Variants in NRXN1 observed in about 807,000 individuals in gnomAD.
NRXN1 encodes neurexin-1.
Under a neutral mutation model 150.9 loss-of-function variants are expected in NRXN1, and 39 were observed. That is an observed-to-expected ratio of 0.26 (90% CI 0.20 to 0.34). NRXN1 has a LOEUF of 0.34. Among genes scored for constraint, NRXN1 ranks in the 10% least tolerant of loss-of-function variants. The pLI, the probability that NRXN1 is intolerant of heterozygous loss-of-function variation, is 1.00. For missense variants in NRXN1, 1,815 were observed against 1,949.9 expected, an observed-to-expected ratio of 0.93 and a Z score of 1.30; for synonymous variants, 924 against 757.0, an observed-to-expected ratio of 1.22 and a Z score of -3.62.
In NRXN1 at chr2:50,127,315, T is replaced by C. The variant is rs557557400; in HGVS notation, c.3547-35821A>G. Among the ~76,000 whole-genome samples, 7 of 152,308 alleles carry C rather than the reference T, an allele frequency of 4.6e-5. No homozygotes were observed. In the East Asian group the frequency reaches 1.2e-3, roughly 25 times the overall value. ...CACCAAAACACTGCGCTATTTTTTA[T>C]AAATATCAGCCAAACTCAAAGTATT... On this transcript the variant is annotated intron_variant, in intron 18 of 22. Coordinates refer to ENST00000401669, the MANE Select transcript of NRXN1 (RefSeq NM_001330078.2).
chr2:50,325,376 C>A (rs937111087), intron 17 of NRXN1, among the ~76,000 whole-genome samples: 2 of 152,176 alleles, frequency 1.3e-5, no homozygotes, highest in African/African-American at 4.8e-5. Context: ...TTGTCATGCC[C>A]CCCACCAGGT....
intron 3 of NRXN1, chr2:50,923,672 G>A (rs1378277541): frequency 1.3e-5 from 2 of 154,774 alleles, no homozygotes; most frequent in African/African-American, 4.8e-5. Context: ...CCATGTATAT[G>A]TCTACAATAC....
chr2:50,703,162 C>A (rs932590035), intron 5 of NRXN1, among the ~76,000 whole-genome samples: 1 of 152,024 alleles, frequency 6.6e-6, no homozygotes, highest in Non-Finnish European at 1.5e-5. Flanking sequence ...GAAGCTAGAT[C>A]TTCCTAAGGA....
At chr2:50,469,706 T>A (rs1220460919) in intron 16 of NRXN1, among the ~76,000 whole-genome samples, 1 of 151,252 alleles carries the variant, frequency 6.6e-6, no homozygotes, top group East Asian at 1.9e-4. Context: ...TTGTTCACCT[T>A]GATGTTGGAA....
intron 2 of NRXN1, among the ~76,000 whole-genome samples, chr2:50,975,642 TCTAA>T (rs550034040): frequency 1.7e-4 from 26 of 152,268 alleles, no homozygotes; most frequent in African/African-American, 5.5e-4. Flanking sequence ...ATAAGTCCTA[TCTAA>T]CTATGTGGAC....
intron 8 of NRXN1, among the ~76,000 whole-genome samples, chr2:50,578,087 C>G (rs1394220430): frequency 6.6e-6 from 1 of 152,146 alleles, no homozygotes; most frequent in Non-Finnish European, 1.5e-5. Flanking sequence ...TGGTACTGCT[C>G]ATTCCACAAC....
intron 8 of NRXN1, among the ~76,000 whole-genome samples, chr2:50,561,453 A>G (rs773535217): frequency 6.6e-6 from 1 of 152,208 alleles, no homozygotes; most frequent in Non-Finnish European, 1.5e-5. Context: ...TTTTCAGATG[A>G]GGAAACTGAG....
rs1447303285 is a variant in NRXN1 at position 50,071,775 on chromosome 2, G to T, written c.3719-16731C>A. On this transcript the variant is annotated intron_variant, in intron 19 of 22. Coordinates refer to ENST00000401669, the MANE Select transcript of NRXN1 (RefSeq NM_001330078.2). ...TTTATTCACAGATCTTTCATATTAA[G>T]ATGTGATAGTATTTTGCTGCCAGTT... 3.9e-5 allele frequency among the ~76,000 whole-genome samples: 6 copies of T among 152,316 alleles called. No individual in the cohort carries two copies. In the South Asian group the frequency reaches 8.3e-4, roughly 21 times the overall value.
intron 8 of NRXN1, among the ~76,000 whole-genome samples, chr2:50,583,073 C>G (rs1417725542): frequency 2.7e-5 from 4 of 150,850 alleles, no homozygotes; most frequent in African/African-American, 9.8e-5. Flanking sequence ...CTTTTAGAGA[C>G]AAGTTCTGCC....
intron 5 of NRXN1, among the ~76,000 whole-genome samples, chr2:50,750,037 G>A (rs1048363564): frequency 2.6e-5 from 4 of 152,062 alleles, no homozygotes; most frequent in Admixed American, 2.6e-4. Context: ...TGGATTCTCA[G>A]TCTTGTCAAG....
chr2:50,552,104 C>G (rs1243459708), intron 9 of NRXN1, among the ~76,000 whole-genome samples: 1 of 152,162 alleles, frequency 6.6e-6, no homozygotes, highest in African/African-American at 2.4e-5. Flanking sequence ...CCTTGAAATG[C>G]TACTGTATTG....
intron 18 of NRXN1, among the ~76,000 whole-genome samples, chr2:50,191,736 C>CTA (rs1171470686): frequency 3.9e-5 from 6 of 152,182 alleles, no homozygotes; most frequent in Admixed American, 1.3e-4. Context: ...TGAGATCCAT[C>CTA]TAAGTTGTTG....
chr2:50,985,555 A>C (rs903763521), intron 2 of NRXN1: 2 of 151,886 alleles, frequency 1.3e-5, no homozygotes, highest in African/African-American at 4.8e-5. Flanking sequence ...AGAAATATTA[A>C]TATCAATGAA....
At chr2:50,254,951 C>T (rs562077373) in intron 17 of NRXN1, among the ~76,000 whole-genome samples, 218 of 152,092 alleles carry the variant, frequency 1.4e-3, no homozygotes, top group African/African-American at 5.0e-3. Flanking sequence ...GGTCTACAGG[C>T]GCACACTACC....
At chr2:50,321,094 AG>A (rs1391773714) in intron 17 of NRXN1, among the ~76,000 whole-genome samples, 1 of 152,186 alleles carries the variant, frequency 6.6e-6, no homozygotes, top group Non-Finnish European at 1.5e-5. Flanking sequence ...AAAGTCCCAA[AG>A]CCAGTAACCA....
At chr2:50,396,994 C>T (rs1330132289) in intron 17 of NRXN1, among the ~76,000 whole-genome samples, 2 of 152,024 alleles carry the variant, frequency 1.3e-5, no homozygotes, top group East Asian at 3.9e-4. Context: ...AATCTACTAT[C>T]CTAGATTCTT....
intron 2 of NRXN1, among the ~76,000 whole-genome samples, chr2:50,998,176 A>T (rs536169613): frequency 7.1e-6 from 1 of 141,692 alleles, no homozygotes; most frequent in Non-Finnish European, 1.5e-5. Flanking sequence ...TACAGTACTA[A>T]CATTTTAACT....
intron 5 of NRXN1, among the ~76,000 whole-genome samples, chr2:50,633,273 G>T (rs1682658836): frequency 6.6e-6 from 1 of 151,922 alleles, no homozygotes; most frequent in African/African-American, 2.4e-5. Flanking sequence ...ACTTAGAAAT[G>T]CAAGAAATAT....
At chr2:50,447,347 G>T (rs2086509320) in intron 17 of NRXN1, among the ~76,000 whole-genome samples, 1 of 151,180 alleles carries the variant, frequency 6.6e-6, no homozygotes, top group African/African-American at 2.4e-5. Flanking sequence ...AGGTGTGGTG[G>T]CACACACCTG....
Sources: gnomAD v4.1 joint callset for allele counts (sites outside exome capture counted in the v4.1 genomes callset) on GRCh38, gnomAD v4.1.1 for gene constraint, MANE v1.5 for transcripts, NCBI Gene and HGNC (gene_info 2026-07-23, HGNC 2026-07-21) for gene names.